ARHGAP18: variants seen among roughly 807,000 people sequenced by gnomAD.
ARHGAP18 encodes the protein rho GTPase-activating protein 18.
Under a neutral mutation model 86.2 loss-of-function variants are expected in ARHGAP18, and 67 were observed. The observed-to-expected ratio is 0.78, with a 90% CI of 0.64 to 0.95. ARHGAP18 has a LOEUF of 0.95. ARHGAP18 is among the 40% of genes least tolerant of loss of function. ARHGAP18 has a pLI of 0.00. For synonymous variants in ARHGAP18, 283 were observed against 280.4 expected, an observed-to-expected ratio of 1.01 and a Z score of -0.09; for missense variants, 691 against 780.4, an observed-to-expected ratio of 0.89 and a Z score of 1.37.
intron 1 of ARHGAP18, among the ~76,000 whole-genome samples, chr6:129,681,224 C>T (rs1328236281): frequency 2.0e-5 from 3 of 152,158 alleles, no homozygotes; most frequent in Non-Finnish European, 2.9e-5. Context: ...ACTACAGGCA[C>T]GCACTGCCAT....
At chr6:129,699,608 T>C (rs1478138089) in intron 1 of ARHGAP18, among the ~76,000 whole-genome samples, 1 of 152,226 alleles carries the variant, frequency 6.6e-6, no homozygotes, top group Non-Finnish European at 1.5e-5. Context: ...TAATCCATAA[T>C]ATGGTAGAAT....
intron 5 of ARHGAP18, among the ~76,000 whole-genome samples, chr6:129,627,565 T>TTTTAA (rs1789506864): frequency 6.6e-6 from 1 of 150,834 alleles, no homozygotes; most frequent in Non-Finnish European, 1.5e-5. Flanking sequence ...AGGGGGAAAC[T>TTTTAA]CTCCACAATT....
At chr6:129,616,098 G>A (rs1789091467) in intron 7 of ARHGAP18, 114 bp downstream of exon 7, 2 of 791,360 alleles carry the variant, frequency 2.5e-6, no homozygotes, top group South Asian at 7.5e-5. Flanking sequence ...GAAAATCAAA[G>A]TACAAAACAT....
chr6:129,637,119 C>G (rs371933227), intron 3 of ARHGAP18, among the ~76,000 whole-genome samples: 25 of 151,628 alleles, frequency 1.6e-4, no homozygotes, highest in African/African-American at 5.6e-4. Flanking sequence ...GCCTGGAGTG[C>G]GGTGGCATGA....
intron 12 of ARHGAP18, among the ~76,000 whole-genome samples, chr6:129,584,650 T>C (rs1044906710): frequency 5.3e-5 from 8 of 152,212 alleles, no homozygotes; most frequent in African/African-American, 1.9e-4. Context: ...GATGACCCCT[T>C]TCTAAATCTT....
At chr6:129,699,089 G>C (rs1282441529) in intron 1 of ARHGAP18, among the ~76,000 whole-genome samples, 1 of 151,948 alleles carries the variant, frequency 6.6e-6, no homozygotes, top group African/African-American at 2.4e-5. Context: ...CACCAACCTC[G>C]GCCTCCCAAA....
chr6:129,701,891 C>T (rs1272345266), intron 1 of ARHGAP18, among the ~76,000 whole-genome samples: 9 of 152,186 alleles, frequency 5.9e-5, no homozygotes, highest in Non-Finnish European at 1.3e-4. Context: ...GAGCCAAAAG[C>T]TCAAGCTGAA....
At chr6:129,654,352 T>C (rs1382554641) in intron 1 of ARHGAP18, among the ~76,000 whole-genome samples, 1 of 152,246 alleles carries the variant, frequency 6.6e-6, no homozygotes, top group African/African-American at 2.4e-5. Context: ...CATCAAATTC[T>C]AGGCGGATTA....
chr6:129,678,932 C>CT (rs1307892008), intron 1 of ARHGAP18, among the ~76,000 whole-genome samples: 3 of 152,166 alleles, frequency 2.0e-5, no homozygotes, highest in Non-Finnish European at 4.4e-5. Flanking sequence ...CAGAAAACTA[C>CT]TTTCAGATGA....
intron 12 of ARHGAP18, among the ~76,000 whole-genome samples, chr6:129,588,058 T>G: frequency 6.6e-6 from 1 of 151,554 alleles, no homozygotes; most frequent in East Asian, 1.9e-4. Context: ...GGGAGAAACT[T>G]GCCAAAACAA....
At chr6:129,693,690 G>A (rs1774564679) in intron 1 of ARHGAP18, among the ~76,000 whole-genome samples, 1 of 152,140 alleles carries the variant, frequency 6.6e-6, no homozygotes, top group Non-Finnish European at 1.5e-5. Flanking sequence ...ACACCTCTCA[G>A]TACAATGAAA....
chr6:129,665,978 T>A lies in ARHGAP18; in HGVS notation c.114-23960A>T, dbSNP rs370639874. On this transcript the variant is annotated intron_variant, in intron 1 of 14. Transcript: ENST00000368149. The stretch of plus-strand genomic sequence containing the variant: ...CAAGCTACAGAAATCAACTCTGATA[T>A]CTTTGCCTGCTGCTAGTCTACTGGC... Among the ~76,000 whole-genome samples the A allele has an allele frequency of 3.7e-4, 57 of 152,276 alleles. 1 individual carries two copies. The South Asian group carries it at 0.011, about 29-fold the overall frequency.
chr6:129,669,424 G>A (rs1584103900), intron 1 of ARHGAP18, among the ~76,000 whole-genome samples: 1 of 151,236 alleles, frequency 6.6e-6, no homozygotes, highest in South Asian at 2.1e-4. Flanking sequence ...CGCCCACCTC[G>A]GCTTCCCAAA....
At chr6:129,633,897 C>T (rs2114491994) in intron 4 of ARHGAP18, 145 bp downstream of exon 4, 1 of 657,474 alleles carries the variant, frequency 1.5e-6, no homozygotes, top group South Asian at 2.6e-5. Flanking sequence ...TGCTCAGCCT[C>T]ACATAATGAT....
intron 1 of ARHGAP18, among the ~76,000 whole-genome samples, chr6:129,659,585 A>T (rs975782752): frequency 2.0e-5 from 3 of 152,156 alleles, no homozygotes; most frequent in Non-Finnish European, 4.4e-5. Flanking sequence ...CTCCTGCCTC[A>T]GCCTCTGTAG....
At chr6:129,580,422 C>A (rs1485244862) in intron 13 of ARHGAP18, among the ~76,000 whole-genome samples, 1 of 152,136 alleles carries the variant, frequency 6.6e-6, no homozygotes, top group Admixed American at 6.5e-5. Flanking sequence ...ATTTCCGCTG[C>A]CAATCAAATT....
intron 5 of ARHGAP18, among the ~76,000 whole-genome samples, chr6:129,624,980 TA>T: frequency 8.6e-6 from 1 of 116,864 alleles, no homozygotes; most frequent in African/African-American, 3.1e-5. Flanking sequence ...TATTTATATA[TA>T]ATATATATTA....
chr6:129,696,666 C>T (rs541995890), intron 1 of ARHGAP18, among the ~76,000 whole-genome samples: 12 of 152,184 alleles, frequency 7.9e-5, no homozygotes, highest in African/African-American at 2.9e-4. Context: ...CATTTATGTT[C>T]GTGATGAACG....
intron 4 of ARHGAP18, among the ~76,000 whole-genome samples, chr6:129,632,721 A>AT (rs1406338689): frequency 2.6e-5 from 4 of 152,176 alleles, no homozygotes; most frequent in African/African-American, 4.8e-5. Flanking sequence ...AAAAGCAAGT[A>AT]TTTTTATAAA....
Sources: allele counts gnomAD v4.1 joint callset (sites outside exome capture counted in the v4.1 genomes callset), GRCh38; gene constraint gnomAD v4.1.1; transcripts MANE v1.5; gene names NCBI Gene and HGNC (gene_info 2026-07-23, HGNC 2026-07-21).